Variants in CFTR observed in about 807,000 individuals in gnomAD.
CFTR encodes the protein cystic fibrosis transmembrane conductance regulator.
Under a neutral mutation model 171.6 loss-of-function variants are expected in CFTR, and 181 were observed. That is an observed-to-expected ratio of 1.05 (90% CI 0.93 to 1.19). The LOEUF is 1.19. Ranked by LOEUF, CFTR falls within the 50% of genes most tolerant of loss-of-function variation. CFTR has a pLI of 0.00. For missense variants in CFTR, 1,968 were observed against 1,734.7 expected (o/e 1.13, Z -2.39); for synonymous variants, 583 against 608.0 (o/e 0.96, Z 0.60).
intron 3 of CFTR, among the ~76,000 whole-genome samples, chr7:117,519,657 A>G (rs1271889987): frequency 1.3e-5 from 2 of 151,970 alleles, no homozygotes; most frequent in East Asian, 1.9e-4. Context: ...TTTATACTTA[A>G]TAAAGGGGAG....
At chr7:117,591,789 G>C in intron 13 of CFTR, 145 bp from the exon 14 acceptor site, 1 of 531,174 alleles carries the variant, frequency 1.9e-6, no homozygotes, top group Non-Finnish European at 3.2e-6. Flanking sequence ...AATTACTACA[G>C]AGTACTTATA....
Position 117,594,985 on chromosome 7 carries a change from A to G in CFTR, c.2546A>G (p.Tyr849Cys), listed in dbSNP as rs780811333. The change falls in exon 15 of 27, where the codon TAC becomes TGC. Residue 849 changes from tyrosine (Y) to cysteine (C), a missense_variant. Transcript: ENST00000003084. ...CCAGCAGTGACTACATGGAACACAT[A>G]CCTTCGATATATTACTGTCCACAAG... is the stretch of plus-strand genomic sequence containing the variant. ...SIPAVTTWNT[Y>C]LRYITVHKSL... 1 of 1,612,932 alleles carries G rather than the reference A, an allele frequency of 6.2e-7. No individual in the cohort carries two copies. Among genetic ancestry groups the G allele is most frequent in the Admixed American group, 1.7e-5 (1 of 59,994 alleles).
At chr7:117,484,379 A>G (rs1172412971) in intron 1 of CFTR, among the ~76,000 whole-genome samples, 2 of 152,240 alleles carry the variant, frequency 1.3e-5, no homozygotes, top group South Asian at 2.1e-4. Flanking sequence ...AATGCCATCA[A>G]TGAGGACAGC....
At chr7:117,639,270 C>T (rs1456148563) in intron 22 of CFTR, among the ~76,000 whole-genome samples, 1 of 152,190 alleles carries the variant, frequency 6.6e-6, no homozygotes, top group African/African-American at 2.4e-5. Flanking sequence ...AAAAATGTAG[C>T]AGCTATTTCA....
At chr7:117,577,356 T>C (rs1791787192) in intron 11 of CFTR, among the ~76,000 whole-genome samples, 1 of 152,154 alleles carries the variant, frequency 6.6e-6, no homozygotes, top group Non-Finnish European at 1.5e-5. Flanking sequence ...TTGTTTTGTG[T>C]TGTTTTAAGC....
At chr7:117,494,499 T>G (rs1798208587) in intron 1 of CFTR, among the ~76,000 whole-genome samples, 1 of 152,118 alleles carries the variant, frequency 6.6e-6, no homozygotes, top group Non-Finnish European at 1.5e-5. Flanking sequence ...ACCTCCATCT[T>G]TCAATAAACA....
chr7:117,627,584 G>C lies in CFTR; in HGVS notation c.3531G>C (p.Lys1177Asn). ...IDMPTEGKPT[K>N]STKPYKNGQL... is the part of the protein sequence containing the mutation. ...TGCCAACAGAAGGTAAACCTACCAA[G>C]TCAACCAAACCATACAAGAATGGCC... The change falls in exon 22 of 27, where the codon AAG (lysine) becomes AAC (asparagine). Residue 1177 changes from lysine to asparagine, a missense_variant. Physicochemically the swap from Lys to Asn is moderately conservative, Grantham distance 94. Coordinates refer to ENST00000003084, the MANE Select transcript of CFTR (RefSeq NM_000492.4). The C allele has an allele frequency of 6.2e-7, 1 of 1,613,394 alleles. No homozygotes were observed. Among genetic ancestry groups the C allele is most frequent in the Non-Finnish European group, 8.5e-7 (1 of 1,179,522 alleles).
intron 1 of CFTR, among the ~76,000 whole-genome samples, chr7:117,497,925 A>C (rs1048279443): frequency 2.0e-5 from 3 of 152,102 alleles, no homozygotes; most frequent in Non-Finnish European, 4.4e-5. Context: ...ACATTAGAGA[A>C]TATAGAGAAG....
At chr7:117,482,363 G>T (rs2116607581) in intron 1 of CFTR, among the ~76,000 whole-genome samples, 1 of 152,072 alleles carries the variant, frequency 6.6e-6, no homozygotes, top group Non-Finnish European at 1.5e-5. Flanking sequence ...TTTGTCATTG[G>T]AAAACCAAAA....
intron 9 of CFTR, among the ~76,000 whole-genome samples, chr7:117,546,475 T>C (rs535909119): frequency 3.3e-5 from 5 of 152,076 alleles, no homozygotes; most frequent in Non-Finnish European, 7.4e-5. Context: ...TACATATTTA[T>C]TAAATGTAAA....
intron 21 of CFTR, among the ~76,000 whole-genome samples, chr7:117,615,398 T>C (rs924015684): frequency 6.6e-6 from 1 of 152,028 alleles, no homozygotes; most frequent in Non-Finnish European, 1.5e-5. Flanking sequence ...TGTCTTTTCC[T>C]TTATGTTTTG....
At chr7:117,605,335 TTTAA>T (rs1792285074) in intron 17 of CFTR, among the ~76,000 whole-genome samples, 1 of 152,222 alleles carries the variant, frequency 6.6e-6, no homozygotes, top group African/African-American at 2.4e-5. Context: ...TACAAATATG[TTTAA>T]TTAAATATGC....
At chr7:117,550,323 T>C (rs1178603073) in intron 10 of CFTR, among the ~76,000 whole-genome samples, 1 of 143,756 alleles carries the variant, frequency 7.0e-6, no homozygotes, top group East Asian at 2.0e-4. Context: ...GCCTAGGTGA[T>C]AGGCTCAAAA....
In CFTR at chr7:117,666,893, C is replaced by A. The variant is rs765436027; in HGVS notation, c.4243-15C>A. The A allele has an allele frequency of 3.1e-6, 5 of 1,613,286 alleles. No homozygotes were observed. The highest frequency in any genetic ancestry group is 4.2e-6 in the Non-Finnish European group (5 of 1,179,282). On this transcript the variant is annotated splice_polypyrimidine_tract_variant and intron_variant, in intron 26 of 26. Coordinates refer to ENST00000003084, the MANE Select transcript of CFTR (RefSeq NM_000492.4). ...TGCCTTCTGTCCCAGATCTCACTAA[C>A]AGCCATTTCCCTAGGTCATAGAAGA...
intron 21 of CFTR, among the ~76,000 whole-genome samples, chr7:117,621,351 A>C (rs1792577073): frequency 6.6e-6 from 1 of 152,186 alleles, no homozygotes; most frequent in Non-Finnish European, 1.5e-5. Context: ...ATAAATGCTA[A>C]GATAGTAAAT....
chr7:117,509,173 A>G (rs756022772), intron 3 of CFTR, 31 bp downstream of exon 3: 5 of 1,164,680 alleles, frequency 4.3e-6, no homozygotes, highest in East Asian at 4.7e-5. Flanking sequence ...TTCATTATGT[A>G]TCACATAACT....
rs1799035104 is a variant in CFTR, at chr7:117,540,403, C to T, written c.1116+57C>T. On this transcript the variant is annotated intron_variant, in intron 8 of 26. Transcript: ENST00000003084. Reference sequence around the variant, plus strand: ...TGATTTAAATAATCAGTCAATAGATCAGTTCTAATGAACTTTGCAAAAATG... The same window carrying T: ...TGATTTAAATAATCAGTCAATAGATTAGTTCTAATGAACTTTGCAAAAATG... 9.8e-6 allele frequency: 15 copies of T among 1,524,818 alleles called. No homozygotes were observed. The South Asian group carries it at 1.8e-4, about 18-fold the overall frequency. The allele number at this position is 1,524,818 out of a possible 1,614,324, so 94.5% of individuals were successfully genotyped here.
intron 13 of CFTR, among the ~76,000 whole-genome samples, chr7:117,590,662 TC>T (rs1289423993): frequency 1.3e-5 from 2 of 152,110 alleles, no homozygotes; most frequent in African/African-American, 2.4e-5. Flanking sequence ...TAAACCAGTT[TC>T]TCTCATTGCT....
chr7:117,569,839 A>G (rs996433418), intron 11 of CFTR, among the ~76,000 whole-genome samples: 31 of 152,164 alleles, frequency 2.0e-4, no homozygotes, highest in African/African-American at 7.5e-4. Flanking sequence ...AAAATACTTA[A>G]TTGAGTTACT....
Sources: gnomAD v4.1 joint callset for allele counts (sites outside exome capture counted in the v4.1 genomes callset) on GRCh38, gnomAD v4.1.1 for gene constraint, MANE v1.5 for transcripts, NCBI Gene and HGNC (gene_info 2026-07-23, HGNC 2026-07-21) for gene names.